TPGS2: variants seen among roughly 807,000 people sequenced by gnomAD.
The protein encoded by TPGS2 is polyglutamylase subunit 2.
A neutral mutation model predicts 31.1 loss-of-function variants in TPGS2; 26 were observed. The observed-to-expected ratio is 0.84, with a 90% CI of 0.61 to 1.16. The LOEUF is 1.16. Ranked by LOEUF, TPGS2 falls within the 50% of genes most tolerant of loss-of-function variation. TPGS2 has a pLI of 0.00. For synonymous variants in TPGS2, 130 were observed against 136.6 expected (o/e 0.95, Z 0.34); for missense variants, 351 against 363.8 (o/e 0.96, Z 0.29).
In TPGS2 at chr18:36,805,318, G is replaced by A. The variant is rs1046538653; in HGVS notation, c.382+56C>T. On this transcript the variant is annotated intron_variant, in intron 4 of 6. Transcript: ENST00000334295. Reference sequence around the variant, plus strand: ...AAGATTCATTAAGTACCTACTATGCGCCAGGCATGGAGCTGGATGCTGGAA... The same window carrying A: ...AAGATTCATTAAGTACCTACTATGCACCAGGCATGGAGCTGGATGCTGGAA... 1.5e-5 allele frequency: 24 copies of A among 1,589,838 alleles called. No homozygotes were observed. Among genetic ancestry groups the A allele is most frequent in the African/African-American group, 1.3e-4 (10 of 74,438 alleles).
intron 6 of TPGS2, among the ~76,000 whole-genome samples, chr18:36,786,049 A>C (rs2044118366): frequency 6.6e-6 from 1 of 151,406 alleles, no homozygotes; most frequent in Non-Finnish European, 1.5e-5. Flanking sequence ...GGAGACTTTT[A>C]AATGTATTAC....
chr18:36,828,932 G>C lies in TPGS2; in HGVS notation c.-165C>G. On this transcript the variant is annotated 5_prime_UTR_variant, in exon 1 of 7. Coordinates refer to ENST00000334295, the MANE Select transcript of TPGS2 (RefSeq NM_015476.4). Reference sequence around the variant, plus strand: ...GGGTTGGTCTGACAGCAGCAGCTCCGTGGGGCGCCGGTTCCCGCGGCCCCG... The same window carrying C: ...GGGTTGGTCTGACAGCAGCAGCTCCCTGGGGCGCCGGTTCCCGCGGCCCCG... 4 of 985,552 alleles carry C rather than the reference G, an allele frequency of 4.1e-6. No homozygotes were observed. Among genetic ancestry groups the C allele is most frequent in the Non-Finnish European group, 5.7e-6 (4 of 696,884 alleles). The allele number at this position is 985,552 out of a possible 1,614,324, so 61.1% of individuals were successfully genotyped here. A position where few individuals can be genotyped will look rare whatever the true frequency, so the allele number is the denominator to read the frequency against.
chr18:36,798,578 C>T lies in TPGS2; in HGVS notation c.528G>A (p.Leu176=), dbSNP rs372408950. The T allele has an allele frequency of 2.5e-6, 4 of 1,614,136 alleles. No homozygotes were observed. Among genetic ancestry groups the T allele is most frequent in the Non-Finnish European group, 1.7e-6 (2 of 1,180,010 alleles). ...ALAEDTEIWF[L]DRALYWHFLT... ...GAAAATGCCAGTATAACGCTCTGTC[C>T]AGGAACCAGATCTCAGTGTCTTCTG... The change falls in exon 6 of 7, where the codon CTG becomes CTA. Residue 176 remains leucine, a synonymous_variant. Coordinates refer to ENST00000334295, the MANE Select transcript of TPGS2 (RefSeq NM_015476.4).
rs1776017325 is a variant in TPGS2 at position 36,798,454 on chromosome 18, C to T, written c.652G>A (p.Ala218Thr). 1 of 1,614,032 alleles carries T rather than the reference C, an allele frequency of 6.2e-7. No homozygotes were observed. Among genetic ancestry groups the T allele is most frequent in the African/African-American group, 1.3e-5 (1 of 74,922 alleles). The stretch of plus-strand genomic sequence containing the variant: ...GGCAGGTGTTCCTCCCTTACCTTGG[C>T]CTGTGGGCTAATGCCATAGCTGGTG... ...AFTSYGISPQ[A>T]KQWFSMYKPI... The change falls in exon 6 of 7, where the codon GCC becomes ACC. Residue 218 changes from alanine (A) to threonine (T), a missense_variant. Coordinates refer to ENST00000334295, the MANE Select transcript of TPGS2 (RefSeq NM_015476.4).
chr18:36,786,290 G>A (rs2044124576), intron 6 of TPGS2, among the ~76,000 whole-genome samples: 1 of 152,168 alleles, frequency 6.6e-6, no homozygotes, highest in Non-Finnish European at 1.5e-5. Context: ...GCGCAATCTC[G>A]GTTCACTGTA....
At chr18:36,780,111 C>T (rs747765367), downstream of TPGS2, 115 of 1,230,918 alleles carry the variant, frequency 9.3e-5, no homozygotes, top group Non-Finnish European at 1.1e-4. Context: ...TCCACAGGCT[C>T]GCCTCTTCAG....
chr18:36,802,371 T>A (rs72883572), intron 4 of TPGS2, among the ~76,000 whole-genome samples: 18,363 of 152,224 alleles, frequency 0.12, 1,375 homozygotes, highest in Admixed American at 0.17. Context: ...TTGACTACTC[T>A]CCAGTCCTTT....
Position 36,813,651 on chromosome 18 carries a change from C to T in TPGS2, c.165+5243G>A, listed in dbSNP as rs183713991. On this transcript the variant is annotated intron_variant, in intron 2 of 6. Transcript: ENST00000334295. ...GAGCATAAACTATCTGGTCCTCTAA[C>T]GAAAACATTTCCCAACCCCTGGTGT... Among the ~76,000 whole-genome samples, 63 of 152,302 alleles carry T rather than the reference C, an allele frequency of 4.1e-4. No homozygotes were observed. In the East Asian group the frequency reaches 0.011, roughly 26 times the overall value.
downstream of TPGS2, chr18:36,781,985 A>G (rs369585284): frequency 3.1e-6 from 3 of 953,452 alleles, no homozygotes; most frequent in Non-Finnish European, 1.2e-6. Flanking sequence ...AATAACAGGT[A>G]CAATATTCCA....
chr18:36,810,042 AT>A (rs1308999869), intron 2 of TPGS2, among the ~76,000 whole-genome samples: 1 of 152,238 alleles, frequency 6.6e-6, no homozygotes, highest in African/African-American at 2.4e-5. Context: ...TCAAATACTA[AT>A]ATACATAAAA....
downstream of TPGS2, chr18:36,780,041 A>G (rs2043963676): frequency 1.2e-6 from 1 of 811,870 alleles, no homozygotes; most frequent in East Asian, 3.4e-5. Context: ...TACTAAATAA[A>G]TAGAGTTTAA....
At chr18:36,787,212 G>T in intron 6 of TPGS2, 1 of 996,236 alleles carries the variant, frequency 1.0e-6, no homozygotes, top group Non-Finnish European at 1.3e-6. Flanking sequence ...GTTCCTCTGT[G>T]TCAGCAGCAG....
intron 6 of TPGS2, among the ~76,000 whole-genome samples, chr18:36,783,642 G>GGA (rs1037956475): frequency 6.6e-5 from 10 of 152,208 alleles, no homozygotes; most frequent in Non-Finnish European, 1.5e-5. Flanking sequence ...GCCAGGAGTA[G>GGA]GAGACTTAGT....
rs1464196907 is a variant in TPGS2 at position 36,805,405 on chromosome 18, A to G, written c.351T>C (p.Thr117=). Residue 117 remains threonine (T), a synonymous_variant, in exon 4 of 7, where the codon ACT becomes ACC. Transcript: ENST00000334295. ...GTGTATCGTCCTCCAGGTCTGCCAG[A>G]GTGGGTGCATTAGGAAGTGAATACA... ...SSMYSLPNAP[T]LADLEDDTHE... 1 of 1,613,932 alleles carries G rather than the reference A, an allele frequency of 6.2e-7. No homozygotes were observed. The highest frequency in any genetic ancestry group is 8.5e-7 in the Non-Finnish European group (1 of 1,179,852).
chr18:36,796,164 C>T lies in TPGS2; in HGVS notation c.*641G>A. On this transcript the variant is annotated 3_prime_UTR_variant, in exon 7 of 7. Coordinates refer to ENST00000334295, the MANE Select transcript of TPGS2 (RefSeq NM_015476.4). The stretch of plus-strand genomic sequence containing the variant: ...GATACAAAGAACATACAATTGTGTA[C>T]TTGAGAGGTTTCATGGAACATTATG... The T allele has an allele frequency of 2.0e-6, 2 of 985,354 alleles. No individual in the cohort carries two copies. The highest frequency in any genetic ancestry group is 2.4e-6 in the Non-Finnish European group (2 of 829,926). 61.0% of individuals were successfully genotyped at this position (985,354 alleles called of 1,614,324 possible).
chr18:36,828,321 T>TTCGGG (rs896385841), intron 1 of TPGS2, among the ~76,000 whole-genome samples: 1 of 152,074 alleles, frequency 6.6e-6, no homozygotes, highest in Non-Finnish European at 1.5e-5. Flanking sequence ...GGTCTTGGGT[T>TTCGGG]TCGGGGATAA....
At position 36,796,568 on chromosome 18, in the gene TPGS2, C is replaced by G; in HGVS notation, c.*237G>C. The G allele has an allele frequency of 7.6e-7, 1 of 1,312,356 alleles. No homozygotes were observed. The highest frequency in any genetic ancestry group is 9.6e-7 in the Non-Finnish European group (1 of 1,037,192). 81.3% of individuals were successfully genotyped at this position (1,312,356 alleles called of 1,614,324 possible). On this transcript the variant is annotated 3_prime_UTR_variant, in exon 7 of 7. Transcript: ENST00000334295. ...AGGAAAGCACTCAGACTTATTTGGG[C>G]ACTTACACAAGATTCCAAATTCCCC...
At position 36,795,386 on chromosome 18, in the gene TPGS2, T is replaced by C. The variant is rs1386210272; in HGVS notation, c.*1419A>G. 8 of 985,268 alleles carry C rather than the reference T, an allele frequency of 8.1e-6. No individual in the cohort carries two copies. The highest frequency in any genetic ancestry group is 9.6e-6 in the Non-Finnish European group (8 of 829,950). 61.0% of individuals were successfully genotyped at this position (985,268 alleles called of 1,614,324 possible). On this transcript the variant is annotated 3_prime_UTR_variant, in exon 7 of 7. Transcript: ENST00000334295. ...GCCAGCTGGGACTGAAGTGTGCAGA[T>C]GGTAGAGGCCCCTGCACCTCATTCC...
Position 36,796,876 on chromosome 18 carries a change from C to T in TPGS2, c.832G>A (p.Gly278Arg). 1.2e-6 allele frequency: 2 copies of T among 1,611,738 alleles called. No individual in the cohort carries two copies. The highest frequency in any genetic ancestry group is 1.1e-5 in the South Asian group (1 of 90,336). Residue 278 changes from glycine to arginine, a missense_variant, in exon 7 of 7, where the codon GGA (glycine) becomes AGA (arginine). By Grantham distance (125) the Gly-to-Arg change is moderately radical. Transcript: ENST00000334295. ...GAGGAAGTGGAGGGACCGGAGGGTC[C>T]TGAGGGCCCTTTCTGGCCACCTGCA... ...QPAGGQKGPSGPSGPSTSSTS... is the reference protein window; with the variant it reads ...QPAGGQKGPSRPSGPSTSSTS...
Sources: gnomAD v4.1 joint callset for allele counts (sites outside exome capture counted in the v4.1 genomes callset) on GRCh38, gnomAD v4.1.1 for gene constraint, MANE v1.5 for transcripts, NCBI Gene and HGNC (gene_info 2026-07-23, HGNC 2026-07-21) for gene names.